ARHGAP35: variants seen among roughly 807,000 people sequenced by gnomAD.
The protein encoded by ARHGAP35 is rho GTPase-activating protein 35.
A neutral mutation model predicts 111.1 loss-of-function variants in ARHGAP35; 15 were observed. The ratio of observed to expected loss-of-function variants is 0.13; its 90% CI spans 0.09 to 0.21. ARHGAP35 has a LOEUF of 0.21. ARHGAP35 is among the 10% of genes least tolerant of loss of function. The probability of loss-of-function intolerance (pLI) is 1.00; values close to 1 mark genes in which losing one functional copy is unlikely to be tolerated. For missense variants in ARHGAP35, 1,262 were observed against 1,873.0 expected (o/e 0.67, Z 6.02); for synonymous variants, 643 against 710.3 (o/e 0.91, Z 1.51).
At chr19:46,933,164 G>A (rs537291966) in intron 2 of ARHGAP35, among the ~76,000 whole-genome samples, 67 of 115,136 alleles carry the variant, frequency 5.8e-4, no homozygotes, top group African/African-American at 2.1e-3. Flanking sequence ...TTTTTTCCGA[G>A]ACAGGGTCTC....
chr19:46,953,317 A>C (rs1488979737), intron 3 of ARHGAP35, among the ~76,000 whole-genome samples: 1 of 152,096 alleles, frequency 6.6e-6, no homozygotes, highest in East Asian at 1.9e-4. Context: ...CATTTTAGAT[A>C]AGGAGGGCTG....
chr19:47,002,654 C>G lies in ARHGAP35; in HGVS notation c.*1966C>G, dbSNP rs1034652797. The stretch of plus-strand genomic sequence containing the variant: ...AGGAAACGGCCCCATTTACTGACCC[C>G]GCCCCCTTTTCGAGGTTATGCTCAC... On this transcript the variant is annotated 3_prime_UTR_variant, in exon 7 of 7. Transcript: ENST00000672722. 2 of 152,270 alleles carry G rather than the reference C, an allele frequency of 1.3e-5. No homozygotes were observed. Among genetic ancestry groups the G allele is most frequent in the Non-Finnish European group, 2.9e-5 (2 of 68,124 alleles). The allele number at this position is 152,270 out of a possible 1,614,324, so 9.4% of individuals were successfully genotyped here. A position where few individuals can be genotyped will look rare whatever the true frequency, so the allele number is the denominator to read the frequency against.
At chr19:46,936,194 G>C (rs1342536965) in intron 2 of ARHGAP35, among the ~76,000 whole-genome samples, 1 of 152,036 alleles carries the variant, frequency 6.6e-6, no homozygotes, top group Non-Finnish European at 1.5e-5. Flanking sequence ...GTGAGCTGTG[G>C]TTGTGCCACT....
chr19:46,870,229 G>A (rs565517020), intron 1 of ARHGAP35, among the ~76,000 whole-genome samples: 4 of 151,432 alleles, frequency 2.6e-5, no homozygotes, highest in South Asian at 4.2e-4. Flanking sequence ...GATTACAGGC[G>A]TGAGCTACCA....
rs2122379114 is a variant in ARHGAP35, at chr19:47,004,541, A to C, written c.*3853A>C. The C allele has an allele frequency of 1.3e-5, 2 of 152,818 alleles. No individual in the cohort carries two copies. The highest frequency in any genetic ancestry group is 4.1e-4 in the South Asian group (2 of 4,834). The allele number at this position is 152,818 out of a possible 1,614,324, so 9.5% of individuals were successfully genotyped here. On this transcript the variant is annotated 3_prime_UTR_variant, in exon 7 of 7. Transcript: ENST00000672722. ...AATGTCAGAATTGTATGGAAATAAAACTTGTTTGAAAATTTGGAATAGTGC... is the reference window on the plus strand; with the variant it reads ...AATGTCAGAATTGTATGGAAATAAACCTTGTTTGAAAATTTGGAATAGTGC...
intron 1 of ARHGAP35, among the ~76,000 whole-genome samples, chr19:46,912,636 A>C (rs746368540): frequency 6.6e-6 from 1 of 152,142 alleles, no homozygotes; most frequent in Non-Finnish European, 1.5e-5. Flanking sequence ...GATTACAGGC[A>C]TGAGCCACTG....
chr19:46,926,407 G>T lies in ARHGAP35; in HGVS notation c.3681+4051G>T, dbSNP rs2056238201. 6.6e-6 allele frequency among the ~76,000 whole-genome samples: 1 copy of T among 152,180 alleles called. No homozygotes were observed. The highest frequency in any genetic ancestry group is 1.5e-5 in the Non-Finnish European group (1 of 68,026). The stretch of plus-strand genomic sequence containing the variant: ...GCTTTGTCTGTAAAGAGTTGTTGTT[G>T]CACATGGTCTCTGTCTCCCAGTGCC... On this transcript the variant is annotated intron_variant, in intron 2 of 6. Transcript: ENST00000672722. This position sits in a 1 kb window ranked among gnomAD's most constrained non-coding sequence, Gnocchi z 4.1.
intron 2 of ARHGAP35, among the ~76,000 whole-genome samples, chr19:46,927,246 C>T (rs2056243817): frequency 6.6e-6 from 1 of 152,172 alleles, no homozygotes; most frequent in Non-Finnish European, 1.5e-5. Flanking sequence ...GTTTTATGCC[C>T]AGCATTGTGT....
intron 3 of ARHGAP35, among the ~76,000 whole-genome samples, chr19:46,971,415 CAA>C (rs1568483471): frequency 6.6e-6 from 1 of 150,854 alleles, no homozygotes; most frequent in East Asian, 2.0e-4. Flanking sequence ...CACACACACA[CAA>C]AAAAAATAGA....
intron 3 of ARHGAP35, among the ~76,000 whole-genome samples, chr19:46,982,195 A>T (rs1465588757): frequency 6.6e-6 from 1 of 150,672 alleles, no homozygotes; most frequent in African/African-American, 2.4e-5. Flanking sequence ...TGTGTAAAGG[A>T]GCCGGGTGCG....
At chr19:46,973,101 G>GCCTGTAATC (rs2056560116) in intron 3 of ARHGAP35, among the ~76,000 whole-genome samples, 1 of 152,182 alleles carries the variant, frequency 6.6e-6, no homozygotes, top group Admixed American at 6.5e-5. Flanking sequence ...AGTGGCTCAC[G>GCCTGTAATC]CCTGTAATCC....
chr19:46,918,563 C>T lies in ARHGAP35; in HGVS notation c.-113C>T, dbSNP rs1031025575. The T allele has an allele frequency of 2.9e-6, 3 of 1,029,122 alleles. No individual in the cohort carries two copies. In the African/African-American group the frequency reaches 4.8e-5, roughly 16 times the overall value. The allele number at this position is 1,029,122 out of a possible 1,614,324, so 63.7% of individuals were successfully genotyped here. A position where few individuals can be genotyped will look rare whatever the true frequency, so the allele number is the denominator to read the frequency against. On this transcript the variant is annotated 5_prime_UTR_variant, in exon 2 of 7. Transcript: ENST00000672722. This position sits in a 1 kb window ranked among gnomAD's most constrained non-coding sequence, Gnocchi z 5.4. The stretch of plus-strand genomic sequence containing the variant: ...TGGTATACAACACTATGGGACCTGG[C>T]ATTTTTGCTGCATGTCCAGCCCACC...
At position 47,000,421 on chromosome 19, in the gene ARHGAP35, T is replaced by C. The variant is rs1264681738; in HGVS notation, c.4233T>C (p.Thr1411=). 1 of 1,613,800 alleles carries C rather than the reference T, an allele frequency of 6.2e-7. No individual in the cohort carries two copies. Among genetic ancestry groups the C allele is most frequent in the Admixed American group, 1.7e-5 (1 of 60,016 alleles). Reference sequence around the variant, plus strand: ...CCTTGATGAGACCTGATTTCAGCACTATGGACGCCCTCACAGCCACGCGCA... The same window carrying C: ...CCTTGATGAGACCTGATTTCAGCACCATGGACGCCCTCACAGCCACGCGCA... ...WPTLMRPDFS[T]MDALTATRTY... The change falls in exon 7 of 7, where the codon ACT becomes ACC. Residue 1411 remains threonine (T), a synonymous_variant. Transcript: ENST00000672722. This position sits in a 1 kb window ranked among gnomAD's most constrained non-coding sequence, Gnocchi z 6.9.
chr19:46,867,657 A>G (rs1424214183), intron 1 of ARHGAP35, among the ~76,000 whole-genome samples: 1 of 152,076 alleles, frequency 6.6e-6, no homozygotes, highest in East Asian at 1.9e-4. Context: ...GGAGCCTCTT[A>G]TATTATCTTT....
In ARHGAP35 at chr19:47,001,925, G is replaced by A. The variant is rs2056750720; in HGVS notation, c.*1237G>A. 1 of 156,278 alleles carries A rather than the reference G, an allele frequency of 6.4e-6. No individual in the cohort carries two copies. The highest frequency in any genetic ancestry group is 1.4e-5 in the Non-Finnish European group (1 of 70,828). The allele number at this position is 156,278 out of a possible 1,614,324, so 9.7% of individuals were successfully genotyped here. On this transcript the variant is annotated 3_prime_UTR_variant, in exon 7 of 7. Transcript: ENST00000672722. This position sits in a 1 kb window ranked among gnomAD's most constrained non-coding sequence, Gnocchi z 5.4. ...GGATGTGGGCGAGGTGGGGCACTTT[G>A]AAGGAATGGCGGTCTGCTGGTGCCC... is the stretch of plus-strand genomic sequence containing the variant.
rs923046280 is a variant in ARHGAP35, at chr19:46,969,697, G to A, written c.3827-18292G>A. Among the ~76,000 whole-genome samples, 19 of 152,238 alleles carry A rather than the reference G, an allele frequency of 1.2e-4. No individual in the cohort carries two copies. In the East Asian group the frequency reaches 3.7e-3, roughly 29 times the overall value. On this transcript the variant is annotated intron_variant, in intron 3 of 6. Transcript: ENST00000672722. The stretch of plus-strand genomic sequence containing the variant: ...ATAACCACTCAGCGACTTGTTTTCT[G>A]TGGGGTGTCATCAGCTCAGAGAAGC...
intron 1 of ARHGAP35, among the ~76,000 whole-genome samples, chr19:46,867,125 T>A (rs1350257529): frequency 6.6e-6 from 1 of 152,244 alleles, no homozygotes; most frequent in Non-Finnish European, 1.5e-5. Context: ...GAAATGCCAT[T>A]AAGTTGATAT....
At chr19:46,973,875 A>G (rs1420561178) in intron 3 of ARHGAP35, among the ~76,000 whole-genome samples, 1 of 151,734 alleles carries the variant, frequency 6.6e-6, no homozygotes, top group Non-Finnish European at 1.5e-5. Context: ...GATAGCGGAC[A>G]CCTGTATTCC....
chr19:46,917,911 A>C (rs1330236078), intron 1 of ARHGAP35, among the ~76,000 whole-genome samples: 1 of 152,084 alleles, frequency 6.6e-6, no homozygotes, highest in Non-Finnish European at 1.5e-5. Context: ...ACGGGGTTTC[A>C]CCATGTTGGC....
Sources: gnomAD v4.1 joint callset for allele counts (sites outside exome capture counted in the v4.1 genomes callset) on GRCh38, gnomAD v4.1.1 for gene constraint, Gnocchi (gnomAD v3.1) non-coding constraint, MANE v1.5 for transcripts, NCBI Gene and HGNC (gene_info 2026-07-23, HGNC 2026-07-21) for gene names.